CNTN1: variants seen among roughly 807,000 people sequenced by gnomAD.
The protein encoded by CNTN1 is contactin 1, also known as contactin-1.
In CNTN1, 38 loss-of-function variants were observed where a neutral mutation model predicts 126.4. That is an observed-to-expected ratio of 0.30 (90% CI 0.23 to 0.39). The LOEUF (loss-of-function observed/expected upper bound fraction) is 0.39. CNTN1 is among the 10% of genes least tolerant of loss of function. CNTN1 has a pLI of 1.00. For missense variants in CNTN1, 1,009 were observed against 1,248.4 expected (o/e 0.81, Z 2.89); for synonymous variants, 413 against 422.6 (o/e 0.98, Z 0.28).
At chr12:40,776,353 G>A (rs938778308) in intron 1 of CNTN1, among the ~76,000 whole-genome samples, 2 of 151,236 alleles carry the variant, frequency 1.3e-5, no homozygotes, top group African/African-American at 4.9e-5. Context: ...TCAGTTTTGG[G>A]GTGTGCAAAT....
chr12:40,697,021 C>T (rs1386896334), intron 1 of CNTN1, among the ~76,000 whole-genome samples: 2 of 152,086 alleles, frequency 1.3e-5, no homozygotes, highest in Admixed American at 6.6e-5. Flanking sequence ...TGTTTTTTGG[C>T]TGTCAATATT....
intron 1 of CNTN1, among the ~76,000 whole-genome samples, chr12:40,756,911 G>A (rs1938633518): frequency 6.6e-6 from 1 of 152,048 alleles, no homozygotes. Flanking sequence ...GTCTTTTTGT[G>A]TGGCTAGTTC....
At chr12:40,701,217 A>C (rs1035553205) in intron 1 of CNTN1, among the ~76,000 whole-genome samples, 6 of 152,208 alleles carry the variant, frequency 3.9e-5, no homozygotes, top group African/African-American at 1.4e-4. Context: ...TGTTTTATTT[A>C]TGAATATCTT....
chr12:41,010,143 G>A (rs1408479033), intron 17 of CNTN1, among the ~76,000 whole-genome samples: 2 of 151,980 alleles, frequency 1.3e-5, no homozygotes, highest in South Asian at 2.1e-4. Flanking sequence ...GTGTTCACAA[G>A]GAGATCTACC....
chr12:41,025,081 T>G (rs1420546929), intron 20 of CNTN1, 69 bp from the exon 21 acceptor site: 18 of 1,484,330 alleles, frequency 1.2e-5, no homozygotes, highest in Non-Finnish European at 1.6e-5. Context: ...TAGAACCAGT[T>G]GAAGAGAACT....
At chr12:41,062,776 A>C (rs1405548421) in intron 23 of CNTN1, among the ~76,000 whole-genome samples, 1 of 152,224 alleles carries the variant, frequency 6.6e-6, no homozygotes, top group African/African-American at 2.4e-5. Context: ...AGTGTCTCAA[A>C]GTAAAACATA....
intron 16 of CNTN1, among the ~76,000 whole-genome samples, chr12:40,988,797 GA>G (rs149526280): frequency 0.016 from 2,425 of 152,148 alleles, 66 homozygotes; most frequent in African/African-American, 0.056. Flanking sequence ...AATTTTTAAA[GA>G]ACTACCCATT....
chr12:40,807,146 G>C (rs892708739), intron 1 of CNTN1, among the ~76,000 whole-genome samples: 2 of 151,942 alleles, frequency 1.3e-5, no homozygotes, highest in Non-Finnish European at 2.9e-5. Context: ...GGCTGGGATC[G>C]AGAAGCATAA....
At chr12:40,737,357 G>GTATATATATATATATATATATATATATA (rs773215644) in intron 1 of CNTN1, among the ~76,000 whole-genome samples, 6 of 105,070 alleles carry the variant, frequency 5.7e-5, no homozygotes, top group Non-Finnish European at 9.5e-5. Flanking sequence ...ATATGTGTGT[G>GTATATATATATATATATATATATATATA]TGTATATATA....
chr12:40,937,903 G>C (rs1026751977), intron 11 of CNTN1, among the ~76,000 whole-genome samples: 1 of 152,138 alleles, frequency 6.6e-6, no homozygotes, highest in Non-Finnish European at 1.5e-5. Flanking sequence ...CTTCTTCAGA[G>C]CATCAGCAGC....
chr12:40,703,454 C>T (rs1029472917), intron 1 of CNTN1, among the ~76,000 whole-genome samples: 6 of 152,154 alleles, frequency 3.9e-5, no homozygotes, highest in South Asian at 2.1e-4. Flanking sequence ...GTAGTAGATA[C>T]GTAATTTTGG....
In CNTN1 at chr12:41,003,424, T is replaced by C. The variant is rs1011697088; in HGVS notation, c.2113+10155T>C. On this transcript the variant is annotated intron_variant, in intron 17 of 23. Transcript: ENST00000551295. The stretch of plus-strand genomic sequence containing the variant: ...GAAGGTTTCTTTTTTGTTGTATTTC[T>C]GCCTGGTTTTGGTATCAGGATGATG... Among the ~76,000 whole-genome samples the C allele has an allele frequency of 2.6e-5, 4 of 152,278 alleles. No individual in the cohort carries two copies. In the East Asian group the frequency reaches 7.7e-4, roughly 29 times the overall value.
intron 1 of CNTN1, among the ~76,000 whole-genome samples, chr12:40,846,048 A>G (rs1942487581): frequency 6.6e-6 from 1 of 152,230 alleles, no homozygotes; most frequent in Non-Finnish European, 1.5e-5. Flanking sequence ...GGAAATAATC[A>G]GTTTATAGGT....
chr12:41,039,743 G>T (rs1379249610), intron 23 of CNTN1, among the ~76,000 whole-genome samples: 1 of 152,112 alleles, frequency 6.6e-6, no homozygotes, highest in Admixed American at 6.6e-5. Flanking sequence ...AACAGAGATA[G>T]CAGATGTTTC....
At chr12:41,027,798 G>A in intron 21 of CNTN1, 59 bp from the exon 22 acceptor site, 1 of 977,366 alleles carries the variant, frequency 1.0e-6, no homozygotes, top group Admixed American at 1.7e-5. Context: ...ATGCAATAGA[G>A]TATGCAGAAT....
chr12:40,932,173 T>TCTCAC (rs71434338), intron 7 of CNTN1, among the ~76,000 whole-genome samples: 5,271 of 152,030 alleles, frequency 0.035, 116 homozygotes, highest in Middle Eastern at 0.11. Flanking sequence ...CTCACCCAAA[T>TCTCAC]CTCACCTTGA....
At chr12:40,875,772 T>C (rs1436207039) in intron 1 of CNTN1, among the ~76,000 whole-genome samples, 1 of 152,124 alleles carries the variant, frequency 6.6e-6, no homozygotes, top group Non-Finnish European at 1.5e-5. Flanking sequence ...TTGAAGGATA[T>C]CTGGATTGTT....
intron 1 of CNTN1, among the ~76,000 whole-genome samples, chr12:40,762,653 G>T (rs1938910804): frequency 6.6e-6 from 1 of 152,174 alleles, no homozygotes; most frequent in Non-Finnish European, 1.5e-5. Flanking sequence ...TGTCCTAGCA[G>T]CTGGGTTTGA....
At chr12:40,792,547 C>T (rs1248200645) in intron 1 of CNTN1, among the ~76,000 whole-genome samples, 3 of 151,990 alleles carry the variant, frequency 2.0e-5, no homozygotes, top group African/African-American at 7.2e-5. Context: ...TTGTAAACCA[C>T]AGCACTAAAA....
Sources: allele counts gnomAD v4.1 joint callset (sites outside exome capture counted in the v4.1 genomes callset), GRCh38; gene constraint gnomAD v4.1.1; transcripts MANE v1.5; gene names NCBI Gene and HGNC (gene_info 2026-07-23, HGNC 2026-07-21).